ASIC2: variants seen among roughly 807,000 people sequenced by gnomAD.
The protein encoded by ASIC2 is acid-sensing ion channel 2.
A neutral mutation model predicts 57.3 loss-of-function variants in ASIC2; 25 were observed. The observed-to-expected ratio is 0.44, with a 90% confidence interval of 0.32 to 0.61. The LOEUF (loss-of-function observed/expected upper bound fraction) is 0.61. Ranked by LOEUF, ASIC2 falls within the 20% of genes least tolerant of loss-of-function variation. The probability of loss-of-function intolerance (pLI) is 0.06; values close to 1 mark genes in which losing one functional copy is unlikely to be tolerated. For missense variants in ASIC2, 641 were observed against 738.1 expected (o/e 0.87, Z 1.52); for synonymous variants, 319 against 307.5 (o/e 1.04, Z -0.39).
At chr17:33,975,369 T>A (rs976454001) in intron 1 of ASIC2, among the ~76,000 whole-genome samples, 3 of 152,076 alleles carry the variant, frequency 2.0e-5, no homozygotes, top group Admixed American at 1.3e-4. Context: ...TCGCCCTCTA[T>A]CTTCCTCTCT....
intron 1 of ASIC2, among the ~76,000 whole-genome samples, chr17:33,387,434 C>T (rs1909726087): frequency 6.6e-6 from 1 of 152,216 alleles, no homozygotes; most frequent in Non-Finnish European, 1.5e-5. Flanking sequence ...GGGAGTTAGT[C>T]CTGTACCAAC....
At chr17:34,107,606 G>A (rs555031097) in intron 1 of ASIC2, among the ~76,000 whole-genome samples, 2 of 152,158 alleles carry the variant, frequency 1.3e-5, no homozygotes, top group Admixed American at 6.5e-5. Flanking sequence ...ACTATGATAG[G>A]CAAACCTACT....
chr17:33,726,724 G>C (rs911314897), intron 1 of ASIC2, among the ~76,000 whole-genome samples: 9 of 152,090 alleles, frequency 5.9e-5, no homozygotes, highest in Non-Finnish European at 1.2e-4. Context: ...AGGCATCCTG[G>C]GATAACCTCA....
intron 1 of ASIC2, among the ~76,000 whole-genome samples, chr17:33,853,885 C>A (rs1913842986): frequency 6.6e-6 from 1 of 152,172 alleles, no homozygotes; most frequent in Non-Finnish European, 1.5e-5. Flanking sequence ...AGACGCTTAA[C>A]CTTGACACCT....
At position 33,806,926 on chromosome 17, in the gene ASIC2, G is replaced by A. The variant is rs73986740; in HGVS notation, c.555+349052C>T. Among the ~76,000 whole-genome samples, 1,433 of 152,324 alleles carry A rather than the reference G, an allele frequency of 9.4e-3. 30 individuals carry two copies. Among genetic ancestry groups the A allele is most frequent in the African/African-American group, 0.033 (1,353 of 41,562 alleles). On this transcript the variant is annotated intron_variant, in intron 1 of 9. Transcript: ENST00000359872. ...CATGTTTGCATGCTGTCACCACCAT[G>A]ATAAACATTGCATCCCAAATCCAAG... is the stretch of plus-strand genomic sequence containing the variant.
intron 1 of ASIC2, among the ~76,000 whole-genome samples, chr17:33,747,093 G>C (rs1367518018): frequency 6.6e-6 from 1 of 152,076 alleles, no homozygotes; most frequent in East Asian, 1.9e-4. Context: ...GGGTCCTTCT[G>C]TAGGTCACAT....
chr17:33,880,541 C>T (rs1298869275), intron 1 of ASIC2, among the ~76,000 whole-genome samples: 4 of 152,160 alleles, frequency 2.6e-5, no homozygotes, highest in Admixed American at 6.5e-5. Flanking sequence ...CATACACCCT[C>T]CCAAGACTAA....
chr17:33,087,371 T>C (rs549228445), intron 3 of ASIC2, among the ~76,000 whole-genome samples: 55 of 152,084 alleles, frequency 3.6e-4, no homozygotes, highest in African/African-American at 1.9e-4. Context: ...TGGGATCCCA[T>C]AGAGGCCAGG....
chr17:33,746,521 T>C (rs1167214181), intron 1 of ASIC2, among the ~76,000 whole-genome samples: 3 of 151,516 alleles, frequency 2.0e-5, no homozygotes, highest in African/African-American at 7.3e-5. Context: ...TGTGTATATA[T>C]GTGTATATAT....
At chr17:33,498,914 G>C (rs1228120246) in intron 1 of ASIC2, among the ~76,000 whole-genome samples, 1 of 152,204 alleles carries the variant, frequency 6.6e-6, no homozygotes, top group African/African-American at 2.4e-5. Context: ...AAAGAGAAAA[G>C]ACATCATGAC....
At chr17:33,625,106 A>G (rs746179667) in intron 1 of ASIC2, among the ~76,000 whole-genome samples, 3 of 150,872 alleles carry the variant, frequency 2.0e-5, no homozygotes, top group African/African-American at 7.3e-5. Context: ...AGGTTTTGTT[A>G]TCAAAGACAA....
At chr17:33,588,198 G>A (rs1904703326) in intron 1 of ASIC2, among the ~76,000 whole-genome samples, 1 of 152,214 alleles carries the variant, frequency 6.6e-6, no homozygotes, top group African/African-American at 2.4e-5. Context: ...TCAAAGGTAT[G>A]ACATCACATA....
intron 1 of ASIC2, among the ~76,000 whole-genome samples, chr17:33,807,347 CT>C (rs1461135581): frequency 2.4e-4 from 37 of 152,312 alleles, no homozygotes; most frequent in African/African-American, 8.2e-4. Flanking sequence ...ATAATTCACT[CT>C]GCTATTTGAC....
intron 1 of ASIC2, among the ~76,000 whole-genome samples, chr17:34,124,204 G>C (rs940702282): frequency 1.3e-5 from 2 of 152,152 alleles, no homozygotes; most frequent in Non-Finnish European, 2.9e-5. Flanking sequence ...GTAACAGAAA[G>C]AATACAGGAA....
At chr17:33,967,020 G>A (rs1202589342) in intron 1 of ASIC2, among the ~76,000 whole-genome samples, 1 of 151,850 alleles carries the variant, frequency 6.6e-6, no homozygotes, top group Non-Finnish European at 1.5e-5. Context: ...CACACTCTAT[G>A]TCGCCAAAAG....
At chr17:33,545,912 A>G (rs529324788) in intron 1 of ASIC2, among the ~76,000 whole-genome samples, 3 of 152,174 alleles carry the variant, frequency 2.0e-5, no homozygotes, top group East Asian at 1.9e-4. Flanking sequence ...GGCACACCCA[A>G]CTATTTGGTG....
rs151205645 is a variant in ASIC2, at chr17:33,664,161, C to T, written c.555+491817G>A. On this transcript the variant is annotated intron_variant, in intron 1 of 9. Coordinates refer to the ASIC2 transcript ENST00000359872. ...GTGCAGTTGCCCTGATAGACTCCGC[C>T]TCCTCTGACCTTAGGGCCCTTACAC... Among the ~76,000 whole-genome samples the T allele has an allele frequency of 1.1e-4, 16 of 152,308 alleles. No individual in the cohort carries two copies. In the East Asian group the frequency reaches 2.9e-3, roughly 28 times the overall value.
intron 1 of ASIC2, among the ~76,000 whole-genome samples, chr17:33,253,374 TA>T (rs1474984459): frequency 6.6e-6 from 1 of 152,194 alleles, no homozygotes; most frequent in Non-Finnish European, 1.5e-5. Flanking sequence ...CATGCACGTA[TA>T]TGCACACCAT....
At chr17:33,651,949 T>A (rs1012452936) in intron 1 of ASIC2, among the ~76,000 whole-genome samples, 3 of 152,152 alleles carry the variant, frequency 2.0e-5, no homozygotes, top group African/African-American at 7.2e-5. Flanking sequence ...AGCCAACACA[T>A]CATCCCGCTG....
Sources: allele counts gnomAD v4.1 joint callset (sites outside exome capture counted in the v4.1 genomes callset), GRCh38; gene constraint gnomAD v4.1.1; transcripts MANE v1.5; gene names NCBI Gene and HGNC (gene_info 2026-07-23, HGNC 2026-07-21).